QTGAL: variants seen among roughly 807,000 people sequenced by gnomAD.
QTGAL encodes the protein queuosine-tRNA galactosyltransferase.
the QTGAL span, chr17:83,006,779 C>T: frequency 2.0e-6 from 2 of 985,488 alleles, no homozygotes; most frequent in African/African-American, 3.5e-5. This position sits in a 1 kb window ranked among gnomAD's most constrained non-coding sequence, Gnocchi z 5.8. Flanking sequence ...AGGTCCTGTG[C>T]TGGCGATCCC....
chr17:82,972,847 C>G, the QTGAL span, among the ~76,000 whole-genome samples: 18 of 133,542 alleles, frequency 1.3e-4, no homozygotes, highest in African/African-American at 4.8e-4. Flanking sequence ...GCCGACCACA[C>G]CACACTCATA....
At chr17:83,030,008 G>A in the QTGAL span, among the ~76,000 whole-genome samples, 4 of 152,092 alleles carry the variant, frequency 2.6e-5, no homozygotes, top group East Asian at 3.9e-4. Flanking sequence ...TCAGTTAGTC[G>A]CTACCCACGA....
At chr17:82,979,305 C>T in the QTGAL span, 2 of 152,124 alleles carry the variant, frequency 1.3e-5, no homozygotes. Context: ...AGATACTAAA[C>T]GCATCACAGA....
At chr17:82,951,790 G>C in the QTGAL span, among the ~76,000 whole-genome samples, 1 of 129,724 alleles carries the variant, frequency 7.7e-6, no homozygotes, top group Non-Finnish European at 1.6e-5. Flanking sequence ...GAATAGGGAG[G>C]CCTGAGGAGG....
chr17:83,021,735 G>C, the QTGAL span, among the ~76,000 whole-genome samples: 1 of 152,160 alleles, frequency 6.6e-6, no homozygotes, highest in East Asian at 1.9e-4. Context: ...AAAGCTGGAA[G>C]ACTTACAATC....
At chr17:83,008,397 G>A in the QTGAL span, among the ~76,000 whole-genome samples, 29 of 152,328 alleles carry the variant, frequency 1.9e-4, no homozygotes, top group Admixed American at 2.0e-4. Context: ...GAATTTATAC[G>A]GGGACCACCA....
the QTGAL span, among the ~76,000 whole-genome samples, chr17:82,991,040 G>C: frequency 6.6e-6 from 1 of 152,188 alleles, no homozygotes; most frequent in Admixed American, 6.5e-5. Flanking sequence ...ATGGCAGCCT[G>C]AGCTGATTAA....
At chr17:83,044,583 G>T in the QTGAL span, among the ~76,000 whole-genome samples, 135 of 152,310 alleles carry the variant, frequency 8.9e-4, no homozygotes, top group African/African-American at 3.2e-3. Flanking sequence ...TGGGAGAACC[G>T]AAGCGAGGAT....
chr17:82,947,155 GC>G, the QTGAL span: 1 of 568,330 alleles, frequency 1.8e-6, no homozygotes, highest in Non-Finnish European at 3.1e-6. Flanking sequence ...GAGGGCAGCA[GC>G]CGGCACTGCT....
At chr17:82,997,462 G>A in the QTGAL span, among the ~76,000 whole-genome samples, 1 of 152,122 alleles carries the variant, frequency 6.6e-6, no homozygotes, top group Non-Finnish European at 1.5e-5. Context: ...CAACCACTAT[G>A]GAGAACAGTT....
chr17:83,027,288 C>T, the QTGAL span, among the ~76,000 whole-genome samples: 1 of 152,200 alleles, frequency 6.6e-6, no homozygotes, highest in Non-Finnish European at 1.5e-5. Flanking sequence ...GAAAAGAAAG[C>T]TCTTCAATAA....
At chr17:82,973,331 T>A in the QTGAL span, among the ~76,000 whole-genome samples, 1 of 152,220 alleles carries the variant, frequency 6.6e-6, no homozygotes, top group East Asian at 1.9e-4. Flanking sequence ...TCATGATTGA[T>A]AATTGATTAG....
At chr17:82,963,035 G>A in the QTGAL span, among the ~76,000 whole-genome samples, 2 of 152,222 alleles carry the variant, frequency 1.3e-5, no homozygotes, top group African/African-American at 4.8e-5. Flanking sequence ...CCCTGGCGGG[G>A]CGCAGGGAGA....
chr17:83,009,672 G>T, the QTGAL span, among the ~76,000 whole-genome samples: 1 of 152,138 alleles, frequency 6.6e-6, no homozygotes, highest in South Asian at 2.1e-4. Context: ...AGGGTCAAGC[G>T]TGTCTGGGTG....
At chr17:83,006,802 TCA>T in the QTGAL span, 2 of 985,334 alleles carry the variant, frequency 2.0e-6, no homozygotes, top group Non-Finnish European at 2.4e-6. This position sits in a 1 kb window ranked among gnomAD's most constrained non-coding sequence, Gnocchi z 5.8. Context: ...ACATTCAAGT[TCA>T]GGTTTGTCTG....
chr17:83,013,489 C>T, the QTGAL span, among the ~76,000 whole-genome samples: 2 of 147,064 alleles, frequency 1.4e-5, no homozygotes, highest in Non-Finnish European at 3.0e-5. Flanking sequence ...TCAGACGCCC[C>T]CAGCACACCC....
At chr17:82,960,191 C>T in the QTGAL span, among the ~76,000 whole-genome samples, 3 of 152,278 alleles carry the variant, frequency 2.0e-5, no homozygotes, top group African/African-American at 7.2e-5. Context: ...TCGTGGCCCT[C>T]CTGCCAACCC....
At chr17:83,012,030 G>A in the QTGAL span, among the ~76,000 whole-genome samples, 1 of 76,602 alleles carries the variant, frequency 1.3e-5, no homozygotes, top group African/African-American at 5.8e-5. Context: ...TTGAACACAC[G>A]CCACGAACTC....
chr17:82,946,879 C>T, the QTGAL span: 1 of 1,552,278 alleles, frequency 6.4e-7, no homozygotes, highest in Non-Finnish European at 8.7e-7. Context: ...AAAGACCCAC[C>T]TGGGAGCAGC....
Sources: gnomAD v4.1 joint callset for allele counts (sites outside exome capture counted in the v4.1 genomes callset) on GRCh38, gnomAD v4.1.1 for gene constraint, Gnocchi (gnomAD v3.1) non-coding constraint, MANE v1.5 for transcripts, NCBI Gene and HGNC (gene_info 2026-07-23, HGNC 2026-07-21) for gene names.